The following USH2A variants were observed in gnomAD, a reference collection of about 807,000 sequenced individuals.
The protein encoded by USH2A is usherin.
In USH2A, 443 loss-of-function variants were observed where a neutral mutation model predicts 538.9. The observed-to-expected ratio is 0.82, with a 90% CI of 0.76 to 0.89. The LOEUF (loss-of-function observed/expected upper bound fraction) is 0.89. Among genes scored for constraint, USH2A ranks in the 40% least tolerant of loss-of-function variants. USH2A has a pLI of 0.00. For missense variants in USH2A, 6,633 were observed against 6,324.8 expected (o/e 1.05, Z -1.65); for synonymous variants, 2,413 against 2,273.5 (o/e 1.06, Z -1.75).
At chr1:216,271,785 T>C (rs1331813686) in intron 11 of USH2A, among the ~76,000 whole-genome samples, 1 of 152,120 alleles carries the variant, frequency 6.6e-6, no homozygotes, top group Non-Finnish European at 1.5e-5. Flanking sequence ...GGGAATTCTT[T>C]TGTATTCTAT....
At chr1:216,054,898 G>A (rs781782196) in intron 30 of USH2A, among the ~76,000 whole-genome samples, 9 of 152,086 alleles carry the variant, frequency 5.9e-5, no homozygotes, top group Non-Finnish European at 1.3e-4. Flanking sequence ...ACTCATTTCC[G>A]TTGCACTTTT....
chr1:216,309,118 C>T (rs1571687175), intron 9 of USH2A, among the ~76,000 whole-genome samples: 1 of 152,170 alleles, frequency 6.6e-6, no homozygotes, highest in Non-Finnish European at 1.5e-5. Flanking sequence ...TTCTATGAGA[C>T]AGGTACATGC....
At chr1:215,978,847 A>G (rs1262958289) in intron 35 of USH2A, among the ~76,000 whole-genome samples, 5 of 152,220 alleles carry the variant, frequency 3.3e-5, no homozygotes, top group African/African-American at 7.2e-5. Context: ...TGAAATACCT[A>G]TGTCTCAGGA....
At position 215,966,476 on chromosome 1, in the gene USH2A, G is replaced by A. The variant is rs978190910; in HGVS notation, c.6958-997C>T. Among the ~76,000 whole-genome samples, 3 of 152,228 alleles carry A rather than the reference G, an allele frequency of 2.0e-5. No individual in the cohort carries two copies. In the East Asian group the frequency reaches 5.8e-4, roughly 29 times the overall value. ...GAGGTGATCAAACATGAAATCCTTA[G>A]GCAGAAATATTATCAATTAGAAAAC... On this transcript the variant is annotated intron_variant, in intron 36 of 71. Transcript: ENST00000307340.
At chr1:216,094,797 C>T (rs975388762) in intron 22 of USH2A, among the ~76,000 whole-genome samples, 5 of 151,966 alleles carry the variant, frequency 3.3e-5, no homozygotes, top group African/African-American at 9.7e-5. Flanking sequence ...AGCTCAATTG[C>T]TTGTGTTTAT....
At chr1:215,862,908 T>C (rs1664357230) in intron 44 of USH2A, among the ~76,000 whole-genome samples, 1 of 152,172 alleles carries the variant, frequency 6.6e-6, no homozygotes, top group Non-Finnish European at 1.5e-5. Context: ...TTTAAAACTA[T>C]TTATTCATAT....
intron 42 of USH2A, 137 bp from the exon 43 acceptor site, chr1:215,878,017 C>A: frequency 7.9e-7 from 1 of 1,272,110 alleles, no homozygotes; most frequent in South Asian, 1.3e-5. Flanking sequence ...TTTACAGTTA[C>A]GTGGTTTTGT....
chr1:215,982,115 C>G (rs934924192), intron 35 of USH2A, among the ~76,000 whole-genome samples: 1 of 152,192 alleles, frequency 6.6e-6, no homozygotes, highest in Non-Finnish European at 1.5e-5. Context: ...AGGGATCTTC[C>G]TCCAACCACT....
chr1:216,287,296 T>A (rs1455005564), intron 11 of USH2A, among the ~76,000 whole-genome samples: 1 of 152,150 alleles, frequency 6.6e-6, no homozygotes, highest in Non-Finnish European at 1.5e-5. Flanking sequence ...GAGAAAAATT[T>A]CTCCAACTTA....
intron 38 of USH2A, among the ~76,000 whole-genome samples, chr1:215,908,479 T>A (rs1162877122): frequency 1.3e-5 from 2 of 151,918 alleles, no homozygotes; most frequent in Admixed American, 1.3e-4. Context: ...AGTACAAATA[T>A]GTTTATGATA....
Position 215,938,685 on chromosome 1 carries a change from C to T in USH2A, c.7121-3890G>A, listed in dbSNP as rs538407823. 7.9e-5 allele frequency among the ~76,000 whole-genome samples: 12 copies of T among 152,170 alleles called. No homozygotes were observed. In the South Asian group the frequency reaches 8.3e-4, roughly 11 times the overall value. ...CTTTTAAGCTTCTGAGTTCTGGAAC[C>T]GCAACTCCCCACTGCCTGCTTCGCC... On this transcript the variant is annotated intron_variant, in intron 37 of 71. Coordinates refer to ENST00000307340, the MANE Select transcript of USH2A (RefSeq NM_206933.4).
At chr1:216,409,563 C>T (rs906043181) in intron 3 of USH2A, among the ~76,000 whole-genome samples, 28 of 151,902 alleles carry the variant, frequency 1.8e-4, no homozygotes, top group African/African-American at 6.8e-4. Context: ...ATAGAGAGCC[C>T]AGAAATAAGG....
At chr1:216,030,612 T>C (rs1205976662) in intron 32 of USH2A, among the ~76,000 whole-genome samples, 1 of 146,716 alleles carries the variant, frequency 6.8e-6, no homozygotes, top group African/African-American at 2.5e-5. Flanking sequence ...AAATGATATA[T>C]AGATATATAT....
chr1:215,847,422 A>C (rs1404024323), intron 44 of USH2A, among the ~76,000 whole-genome samples: 1 of 152,082 alleles, frequency 6.6e-6, no homozygotes, highest in Non-Finnish European at 1.5e-5. Context: ...TGAGGCTGAG[A>C]TCACTTGAGC....
chr1:216,147,379 T>C (rs1336735580), intron 21 of USH2A, among the ~76,000 whole-genome samples: 1 of 152,098 alleles, frequency 6.6e-6, no homozygotes, highest in Non-Finnish European at 1.5e-5. Context: ...AATTTACTCT[T>C]AAAAAGGTGG....
intron 4 of USH2A, among the ~76,000 whole-genome samples, chr1:216,343,975 A>C (rs1034578947): frequency 6.6e-6 from 1 of 151,910 alleles, no homozygotes; most frequent in African/African-American, 2.4e-5. Flanking sequence ...GCCATTCTTT[A>C]TTCCTTTACT....
At chr1:216,181,561 C>T (rs1002561398) in intron 20 of USH2A, among the ~76,000 whole-genome samples, 6 of 152,134 alleles carry the variant, frequency 3.9e-5, no homozygotes, top group South Asian at 2.1e-4. Flanking sequence ...ATTGTTCTGG[C>T]GATCACAATA....
chr1:215,870,097 G>A (rs1463261281), intron 43 of USH2A, among the ~76,000 whole-genome samples: 1 of 110,128 alleles, frequency 9.1e-6, no homozygotes, highest in Admixed American at 1.1e-4. Context: ...GTGTAAGTTT[G>A]CACAACTAGT....
intron 27 of USH2A, among the ~76,000 whole-genome samples, chr1:216,076,324 A>T (rs912957612): frequency 6.6e-6 from 1 of 152,182 alleles, no homozygotes; most frequent in Admixed American, 6.5e-5. Context: ...TCACTAATAA[A>T]ATATCTTCCA....
Sources: allele counts gnomAD v4.1 joint callset (sites outside exome capture counted in the v4.1 genomes callset), GRCh38; gene constraint gnomAD v4.1.1; transcripts MANE v1.5; gene names NCBI Gene and HGNC (gene_info 2026-07-23, HGNC 2026-07-21).